The following PRELID2 variants were observed in gnomAD, a reference collection of about 807,000 sequenced individuals.
The protein encoded by PRELID2 is PRELI domain-containing protein 2.
Under a neutral mutation model 28.4 loss-of-function variants are expected in PRELID2, and 25 were observed. The observed-to-expected ratio is 0.88, with a 90% confidence interval of 0.64 to 1.23. PRELID2 has a LOEUF of 1.23. Ranked by LOEUF, PRELID2 falls within the 50% of genes most tolerant of loss-of-function variation. The pLI, the probability that PRELID2 is intolerant of heterozygous loss-of-function variation, is 0.00. For synonymous variants in PRELID2, 76 were observed against 71.6 expected, an observed-to-expected ratio of 1.06 and a Z score of -0.31; for missense variants, 201 against 214.4, an observed-to-expected ratio of 0.94 and a Z score of 0.39.
At chr5:145,726,920 C>A (rs569829021) in intron 1 of PRELID2, among the ~76,000 whole-genome samples, 124 of 152,116 alleles carry the variant, frequency 8.2e-4, no homozygotes, top group Non-Finnish European at 1.6e-3. Flanking sequence ...ATTGTGGTAG[C>A]GTGATCAGAC....
chr5:145,476,826 A>C (rs989279543), intron 1 of PRELID2, among the ~76,000 whole-genome samples: 2 of 152,190 alleles, frequency 1.3e-5, no homozygotes, highest in African/African-American at 4.8e-5. Flanking sequence ...CGCACAGAGG[A>C]ATGAGAAAAA....
At chr5:145,701,815 G>A (rs1423454884) in intron 1 of PRELID2, among the ~76,000 whole-genome samples, 1 of 152,184 alleles carries the variant, frequency 6.6e-6, no homozygotes, top group African/African-American at 2.4e-5. Flanking sequence ...ACTTTGGGAG[G>A]CCAAGGTGGG....
chr5:145,555,685 T>C lies in PRELID2; in HGVS notation n.71-82370A>G, dbSNP rs150206287. Among the ~76,000 whole-genome samples, 326 of 152,222 alleles carry C rather than the reference T, an allele frequency of 2.1e-3. 1 individual carries two copies. Among genetic ancestry groups the C allele is most frequent in the African/African-American group, 7.4e-3 (307 of 41,536 alleles). On this transcript the variant is annotated intron_variant and non_coding_transcript_variant, in intron 1 of 2. Transcript: ENST00000510259. The stretch of plus-strand genomic sequence containing the variant: ...AATGCTGAAGCTGATCAATTAGGAA[T>C]AGATTTTTGGTTAGTGGCTGTGGTG...
chr5:145,360,052 G>C, the PRELID2 span, among the ~76,000 whole-genome samples: 1 of 152,156 alleles, frequency 6.6e-6, no homozygotes. Flanking sequence ...GCTTGGGCAG[G>C]TGCCATAAGT....
intron 1 of PRELID2, among the ~76,000 whole-genome samples, chr5:145,678,386 G>A (rs761769236): frequency 6.6e-6 from 1 of 152,098 alleles, no homozygotes; most frequent in East Asian, 1.9e-4. Flanking sequence ...TTCTCTTCTA[G>A]TTTATTTAAC....
At position 145,551,194 on chromosome 5, in the gene PRELID2, A is replaced by C. The variant is rs912603383; in HGVS notation, n.71-77879T>G. 2.0e-5 allele frequency among the ~76,000 whole-genome samples: 3 copies of C among 152,206 alleles called. No homozygotes were observed. In the East Asian group the frequency reaches 5.8e-4, roughly 29 times the overall value. ...GAGGGGGGCAGATCACAAGGTCAGGAGTTCAAGACCAGCCTGGCCAACATG... is the reference window on the plus strand; with the variant it reads ...GAGGGGGGCAGATCACAAGGTCAGGCGTTCAAGACCAGCCTGGCCAACATG... On this transcript the variant is annotated intron_variant and non_coding_transcript_variant, in intron 1 of 2. Transcript: ENST00000510259.
At chr5:145,793,860 AG>A (rs1389210236) in intron 5 of PRELID2, among the ~76,000 whole-genome samples, 7 of 152,206 alleles carry the variant, frequency 4.6e-5, no homozygotes, top group Admixed American at 2.6e-4. Flanking sequence ...ATAAAATCAA[AG>A]TGGGATCATG....
At chr5:145,497,227 C>T (rs1005087823) in intron 1 of PRELID2, among the ~76,000 whole-genome samples, 3 of 152,076 alleles carry the variant, frequency 2.0e-5, no homozygotes, top group African/African-American at 4.8e-5. Flanking sequence ...CAGGGGATTC[C>T]GTTCCAGTCA....
intron 1 of PRELID2, among the ~76,000 whole-genome samples, chr5:145,748,638 T>C (rs184730052): frequency 1.7e-3 from 255 of 152,276 alleles, no homozygotes; most frequent in African/African-American, 5.7e-3. Context: ...AAATTTCATA[T>C]AGAATCAAAG....
At chr5:145,520,441 C>T (rs1302664845) in intron 1 of PRELID2, among the ~76,000 whole-genome samples, 1 of 152,202 alleles carries the variant, frequency 6.6e-6, no homozygotes, top group African/African-American at 2.4e-5. Flanking sequence ...CTCCCCTTCC[C>T]ACGCTGAACC....
intron 1 of PRELID2, among the ~76,000 whole-genome samples, chr5:145,579,062 TG>T (rs2149623317): frequency 6.6e-6 from 1 of 152,180 alleles, no homozygotes; most frequent in South Asian, 2.1e-4. Flanking sequence ...TTAATAACTC[TG>T]TGCCTCTACT....
the PRELID2 span, among the ~76,000 whole-genome samples, chr5:145,447,740 C>T: frequency 8.7e-5 from 10 of 115,362 alleles, no homozygotes; most frequent in South Asian, 3.1e-4. Context: ...TTTGTTCTTG[C>T]AATAGTTTAC....
At chr5:145,774,728 C>A (rs1231512603) in intron 5 of PRELID2, among the ~76,000 whole-genome samples, 1 of 152,146 alleles carries the variant, frequency 6.6e-6, no homozygotes, top group African/African-American at 2.4e-5. Context: ...GCAGGGTAAA[C>A]CAGGTTTCCT....
intron 1 of PRELID2, among the ~76,000 whole-genome samples, chr5:145,592,351 C>G (rs115358637): frequency 4.6e-5 from 7 of 151,918 alleles, no homozygotes; most frequent in African/African-American, 1.7e-4. Context: ...TGCTGTAAGG[C>G]GGAGGCTGCA....
intron 1 of PRELID2, among the ~76,000 whole-genome samples, chr5:145,660,448 G>A (rs1754471481): frequency 6.6e-6 from 1 of 152,122 alleles, no homozygotes; most frequent in Admixed American, 6.6e-5. Flanking sequence ...CCTCTAGGCA[G>A]AATAAAGCCC....
At chr5:145,788,333 T>C (rs944526065) in intron 5 of PRELID2, among the ~76,000 whole-genome samples, 1 of 152,240 alleles carries the variant, frequency 6.6e-6, no homozygotes, top group African/African-American at 2.4e-5. Context: ...ATACTTGTCT[T>C]CAGCATGTTT....
At chr5:145,431,008 T>TG in the PRELID2 span, among the ~76,000 whole-genome samples, 3 of 125,522 alleles carry the variant, frequency 2.4e-5, no homozygotes, top group East Asian at 6.4e-4. Flanking sequence ...TGGCAATGGT[T>TG]TTTTTTTTTT....
At chr5:145,727,924 C>G (rs1390147986) in intron 1 of PRELID2, among the ~76,000 whole-genome samples, 1 of 152,218 alleles carries the variant, frequency 6.6e-6, no homozygotes, top group Non-Finnish European at 1.5e-5. Context: ...GCTAGCACAA[C>G]TGTGAATCCA....
At chr5:145,358,701 GA>G in the PRELID2 span, among the ~76,000 whole-genome samples, 2 of 152,118 alleles carry the variant, frequency 1.3e-5, no homozygotes, top group African/African-American at 4.8e-5. Context: ...CAATGAAAGG[GA>G]AAATGGTCCC....
Sources: allele counts gnomAD v4.1 joint callset (sites outside exome capture counted in the v4.1 genomes callset), GRCh38; gene constraint gnomAD v4.1.1; transcripts MANE v1.5; gene names NCBI Gene and HGNC (gene_info 2026-07-23, HGNC 2026-07-21).